Variants in DYRK1A observed in about 807,000 individuals in gnomAD.
DYRK1A encodes the protein dual specificity tyrosine phosphorylation regulated kinase 1A, also known as dual specificity tyrosine-phosphorylation-regulated kinase 1A.
DYRK1A carries 9 observed loss-of-function variants against 79.7 expected under a neutral mutation model. The ratio of observed to expected loss-of-function variants is 0.11; its 90% CI spans 0.07 to 0.20. The LOEUF is 0.20. DYRK1A is among the 10% of genes least tolerant of loss of function. DYRK1A has a pLI of 1.00. For synonymous variants in DYRK1A, 349 were observed against 329.7 expected (o/e 1.06, Z -0.63); for missense variants, 622 against 956.0 (o/e 0.65, Z 4.61).
intron 2 of DYRK1A, among the ~76,000 whole-genome samples, chr21:37,440,081 C>T (rs2051047533): frequency 7.0e-6 from 1 of 142,996 alleles, no homozygotes; most frequent in Admixed American, 7.2e-5. Flanking sequence ...TTGATTTCTA[C>T]TCTGGATCCT....
intron 9 of DYRK1A, 136 bp downstream of exon 9, chr21:37,496,394 T>G: frequency 1.1e-6 from 1 of 900,628 alleles, no homozygotes; most frequent in Non-Finnish European, 1.7e-6. Flanking sequence ...CATAGATATT[T>G]TGTTCAGAAG....
At chr21:37,449,408 A>C (rs2051373863) in intron 2 of DYRK1A, among the ~76,000 whole-genome samples, 1 of 152,138 alleles carries the variant, frequency 6.6e-6, no homozygotes, top group African/African-American at 2.4e-5. Context: ...TCCTATTTTA[A>C]ATTTAATAGT....
chr21:37,514,078 G>A lies in DYRK1A; in HGVS notation c.*1547G>A, dbSNP rs2053835230. The A allele has an allele frequency of 6.6e-6, 1 of 152,658 alleles. No homozygotes were observed. The highest frequency in any genetic ancestry group is 1.5e-5 in the Non-Finnish European group (1 of 68,052). 9.5% of individuals were successfully genotyped at this position (152,658 alleles called of 1,614,324 possible). ...TTCTAAGTGTGTTCAGGCTTCTGAA[G>A]GTAAAGGGACACTGGATCCAGAAGC... On this transcript the variant is annotated 3_prime_UTR_variant, in exon 12 of 12. Transcript: ENST00000647188.
intron 1 of DYRK1A, chr21:37,419,112 A>G (rs1327197826): frequency 6.6e-6 from 1 of 152,232 alleles, no homozygotes; most frequent in Non-Finnish European, 1.5e-5. Flanking sequence ...GAATTCTACC[A>G]ATAAGAGATT....
intron 1 of DYRK1A, 37 bp from the exon 2 acceptor site, chr21:37,420,262 C>T (rs2148427113): frequency 1.3e-6 from 1 of 760,340 alleles, no homozygotes; most frequent in African/African-American, 1.8e-5. Context: ...TGTCTTGCAT[C>T]ATTATCTCTT....
chr21:37,486,364 A>AG, intron 5 of DYRK1A, 103 bp from the exon 6 acceptor site: 1 of 927,244 alleles, frequency 1.1e-6, no homozygotes, highest in South Asian at 2.9e-5. Flanking sequence ...TTATAAAAAC[A>AG]TATAATTGAG....
chr21:37,427,221 C>A (rs1354854963), intron 2 of DYRK1A, among the ~76,000 whole-genome samples: 1 of 152,188 alleles, frequency 6.6e-6, no homozygotes, highest in Non-Finnish European at 1.5e-5. Context: ...AAGCTATCCT[C>A]CTGCCTCAGC....
intron 1 of DYRK1A, among the ~76,000 whole-genome samples, chr21:37,401,658 T>G (rs1283190476): frequency 6.6e-6 from 1 of 151,994 alleles, no homozygotes; most frequent in African/African-American, 2.4e-5. Flanking sequence ...AATTTTTGTA[T>G]TATTAGTAGA....
At chr21:37,507,180 C>T (rs768366075) in intron 11 of DYRK1A, among the ~76,000 whole-genome samples, 1 of 152,192 alleles carries the variant, frequency 6.6e-6, no homozygotes, top group African/African-American at 2.4e-5. Context: ...CCTATGTGTG[C>T]ACTGTCCACT....
rs571859735 is a variant in DYRK1A at position 37,454,085 on chromosome 21, C to CTTTTTTTTTTTTTT, written c.11-18587_11-18574dup. Among the ~76,000 whole-genome samples the CTTTTTTTTTTTTTT allele has an allele frequency of 1.2e-3, 74 of 59,624 alleles. 6 individuals are homozygous for CTTTTTTTTTTTTTT. The highest frequency in any genetic ancestry group is 5.0e-3 in the East Asian group (8 of 1,616). The allele number at this position is 59,624 out of a possible 152,430, so 39.1% of individuals were successfully genotyped here. Reference sequence around the variant, plus strand: ...CTTTCATATTATGAGATGTAGTCTCCTTTTTTTTTTTTTTTTTTTTTTTTT... The same window carrying CTTTTTTTTTTTTTT: ...CTTTCATATTATGAGATGTAGTCTCCTTTTTTTTTTTTTTTTTTTTTTTTTTTTTTTTTTTTTTT... On this transcript the variant is annotated intron_variant, in intron 2 of 11. Coordinates refer to ENST00000647188, the MANE Select transcript of DYRK1A (RefSeq NM_001347721.2).
chr21:37,430,659 A>G (rs2050752478), intron 2 of DYRK1A, among the ~76,000 whole-genome samples: 1 of 152,200 alleles, frequency 6.6e-6, no homozygotes, highest in Admixed American at 6.5e-5. Context: ...GAGCCCTGGC[A>G]GGAAGATTCT....
chr21:37,486,761 A>G (rs1386599524), intron 6 of DYRK1A, 147 bp downstream of exon 6: 1 of 728,762 alleles, frequency 1.4e-6, no homozygotes, highest in African/African-American at 1.8e-5. Context: ...AGATTTATAT[A>G]AGTGACTTGA....
intron 9 of DYRK1A, chr21:37,504,848 GGT>G (rs1368032115): frequency 6.3e-6 from 1 of 158,758 alleles, no homozygotes; most frequent in Non-Finnish European, 1.4e-5. Context: ...TGCACAGTTA[GGT>G]AGGAAAGAGG....
chr21:37,469,275 A>G (rs2052139286), intron 2 of DYRK1A, among the ~76,000 whole-genome samples: 1 of 152,250 alleles, frequency 6.6e-6, no homozygotes, highest in East Asian at 1.9e-4. Flanking sequence ...TGTGTATACC[A>G]AACGATGCAT....
intron 5 of DYRK1A, among the ~76,000 whole-genome samples, chr21:37,482,949 A>G (rs929173003): frequency 3.9e-5 from 6 of 152,164 alleles, no homozygotes; most frequent in African/African-American, 1.2e-4. Context: ...TTCCCTGAAC[A>G]TTGCTGTTAT....
chr21:37,394,984 A>C (rs1372508582), intron 1 of DYRK1A, among the ~76,000 whole-genome samples: 1 of 152,228 alleles, frequency 6.6e-6, no homozygotes, highest in Non-Finnish European at 1.5e-5. Flanking sequence ...TCCTTTGTAC[A>C]GGTGGAAGAA....
chr21:37,520,245 A>C lies in DYRK1A; in HGVS notation c.*7714A>C, dbSNP rs2053925250. 1 of 152,188 alleles carries C rather than the reference A, an allele frequency of 6.6e-6. No homozygotes were observed. Among genetic ancestry groups the C allele is most frequent in the Non-Finnish European group, 1.5e-5 (1 of 68,040 alleles). The allele number at this position is 152,188 out of a possible 1,614,324, so 9.4% of individuals were successfully genotyped here. A position where few individuals can be genotyped will look rare whatever the true frequency, so the allele number is the denominator to read the frequency against. On this transcript the variant is annotated 3_prime_UTR_variant, in exon 12 of 12. Coordinates refer to ENST00000647188, the MANE Select transcript of DYRK1A (RefSeq NM_001347721.2). ...CCCACCCTTTGCTCCCACTCCAAGG[A>C]AAGTCTGTTACATTTTTAGCCTTCA...
intron 6 of DYRK1A, chr21:37,488,305 T>A: frequency 3.1e-6 from 3 of 961,248 alleles, no homozygotes; most frequent in Non-Finnish European, 3.7e-6. Flanking sequence ...AAAAGAACTT[T>A]AGATTAGACA....
chr21:37,503,901 A>G (rs533345244), intron 9 of DYRK1A: 4 of 152,150 alleles, frequency 2.6e-5, no homozygotes, highest in African/African-American at 9.6e-5. Flanking sequence ...TGTATCTTCT[A>G]TTGGGTTTTT....
Sources: gnomAD v4.1 joint callset for allele counts (sites outside exome capture counted in the v4.1 genomes callset) on GRCh38, gnomAD v4.1.1 for gene constraint, MANE v1.5 for transcripts, NCBI Gene and HGNC (gene_info 2026-07-23, HGNC 2026-07-21) for gene names.